The following CNST variants were observed in gnomAD, a reference collection of about 807,000 sequenced individuals.
CNST encodes the protein consortin, connexin sorting protein, also known as consortin.
Under a neutral mutation model 72.4 loss-of-function variants are expected in CNST, and 39 were observed. That is an observed-to-expected ratio of 0.54 (90% CI 0.42 to 0.70). The LOEUF is 0.70. Among genes scored for constraint, CNST ranks in the 30% least tolerant of loss-of-function variants. The pLI, the probability that CNST is intolerant of heterozygous loss-of-function variation, is 0.00. For synonymous variants in CNST, 332 were observed against 320.1 expected (o/e 1.04, Z -0.40); for missense variants, 871 against 868.5 (o/e 1.00, Z -0.04).
chr1:246,586,139 GTGTA>G (rs1661180298), intron 1 of CNST, among the ~76,000 whole-genome samples: 1 of 145,316 alleles, frequency 6.9e-6, no homozygotes, highest in African/African-American at 2.5e-5. Context: ...GTGTGTGTGT[GTGTA>G]TATATTACTG....
At position 246,650,676 on chromosome 1, in the gene CNST, C is replaced by CTTTTTT. The variant is rs10693662; in HGVS notation, c.1836+2653_1836+2658dup. 1.7e-4 allele frequency among the ~76,000 whole-genome samples: 22 copies of CTTTTTT among 127,644 alleles called. 1 individual carries two copies. The highest frequency in any genetic ancestry group is 7.3e-4 in the South Asian group (3 of 4,084). The allele number at this position is 127,644 out of a possible 152,430, so 83.7% of individuals were successfully genotyped here. On this transcript the variant is annotated intron_variant, in intron 9 of 10. Transcript: ENST00000366513. The stretch of plus-strand genomic sequence containing the variant: ...TGAACATATAAAATTTTAATTCAAA[C>CTTTTTT]TTTTTTTTTTTTTTTTTTTGATACA...
At chr1:246,602,886 CTTTT>C (rs1662400078) in intron 2 of CNST, among the ~76,000 whole-genome samples, 1 of 101,790 alleles carries the variant, frequency 9.8e-6, no homozygotes, top group Non-Finnish European at 2.1e-5. Context: ...AGATAGTTTT[CTTTT>C]TGTCTAGTTT....
rs35650980 is a variant in CNST at position 246,634,408 on chromosome 1, G to T, written c.704-65G>T. 281,744 of 918,760 alleles carry T rather than the reference G, an allele frequency of 0.31. 49,251 individuals are homozygous for T. The highest frequency in any genetic ancestry group is 0.67 in the East Asian group (26,572 of 39,684). 56.9% of individuals were successfully genotyped at this position (918,760 alleles called of 1,614,324 possible). On this transcript the variant is annotated intron_variant, in intron 5 of 10. Coordinates refer to ENST00000366513, the MANE Select transcript of CNST (RefSeq NM_152609.3). The stretch of plus-strand genomic sequence containing the variant: ...TATGAGTGGTGCTAGTTAACTGTTT[G>T]TTTGTTTTTTTGCTCCTAAATATGT...
rs1667419770 is a variant in CNST, at chr1:246,667,039, A to G, written c.*1134A>G. 6.6e-6 allele frequency: 1 copy of G among 152,046 alleles called. No individual in the cohort carries two copies. Among genetic ancestry groups the G allele is most frequent in the South Asian group, 2.1e-4 (1 of 4,828 alleles). The allele number at this position is 152,046 out of a possible 1,614,324, so 9.4% of individuals were successfully genotyped here. A position where few individuals can be genotyped will look rare whatever the true frequency, so the allele number is the denominator to read the frequency against. ...AGACAAATGTCTGATTTTTGTTTAA[A>G]TCTGTCCGTTAGGTGGCCTTTCCTT... On this transcript the variant is annotated 3_prime_UTR_variant, in exon 11 of 11. Coordinates refer to ENST00000366513, the MANE Select transcript of CNST (RefSeq NM_152609.3).
intron 1 of CNST, among the ~76,000 whole-genome samples, chr1:246,573,703 T>C (rs893076199): frequency 2.6e-5 from 4 of 152,210 alleles, no homozygotes; most frequent in African/African-American, 9.7e-5. Context: ...AAATTTCTGC[T>C]CCAGGAACAC....
intron 1 of CNST, among the ~76,000 whole-genome samples, chr1:246,583,096 A>G (rs1572124838): frequency 6.6e-6 from 1 of 152,292 alleles, no homozygotes; most frequent in Non-Finnish European, 1.5e-5. Context: ...TGGCTGATTT[A>G]ATACCTCATG....
chr1:246,645,570 G>A (rs1156514212), intron 8 of CNST, among the ~76,000 whole-genome samples: 2 of 151,732 alleles, frequency 1.3e-5, no homozygotes, highest in African/African-American at 4.8e-5. Context: ...TGGGACTACA[G>A]GCGCCCGCCA....
intron 10 of CNST, among the ~76,000 whole-genome samples, chr1:246,664,496 A>C (rs570919141): frequency 1.3e-5 from 2 of 150,586 alleles, no homozygotes; most frequent in Admixed American, 6.7e-5. Context: ...GTGTGATCTC[A>C]GCTCACTGCA....
At chr1:246,581,052 A>G (rs2103011529) in intron 1 of CNST, among the ~76,000 whole-genome samples, 1 of 151,334 alleles carries the variant, frequency 6.6e-6, no homozygotes, top group Non-Finnish European at 1.5e-5. Context: ...AGGTTTCTTT[A>G]TAGCATGTAA....
chr1:246,628,474 ACAT>A (rs1206430867), intron 3 of CNST, among the ~76,000 whole-genome samples: 4 of 152,248 alleles, frequency 2.6e-5, no homozygotes, highest in Non-Finnish European at 5.9e-5. Context: ...AAATACGACA[ACAT>A]ATACTTGTAT....
chr1:246,637,236 C>T (rs1165131926), intron 6 of CNST, among the ~76,000 whole-genome samples: 2 of 152,182 alleles, frequency 1.3e-5, no homozygotes, highest in African/African-American at 4.8e-5. Context: ...TCCTTGGACT[C>T]TCATGCTGTT....
chr1:246,571,988 C>G (rs1660096434), intron 1 of CNST, among the ~76,000 whole-genome samples: 1 of 152,052 alleles, frequency 6.6e-6, no homozygotes, highest in Non-Finnish European at 1.5e-5. Context: ...TTTTTTCTAC[C>G]TTAGCTGCAT....
intron 9 of CNST, among the ~76,000 whole-genome samples, chr1:246,650,441 C>T (rs1240615420): frequency 6.6e-6 from 1 of 152,138 alleles, no homozygotes; most frequent in Admixed American, 6.5e-5. Flanking sequence ...ACTTACTACC[C>T]TCGCTATTCT....
chr1:246,658,251 A>G (rs1666874131), intron 9 of CNST, among the ~76,000 whole-genome samples: 1 of 151,838 alleles, frequency 6.6e-6, no homozygotes, highest in Non-Finnish European at 1.5e-5. Context: ...TTTGCTCTTT[A>G]CAAACTGGTT....
chr1:246,582,597 C>T (rs971789559), intron 1 of CNST, among the ~76,000 whole-genome samples: 17 of 152,176 alleles, frequency 1.1e-4, no homozygotes, highest in African/African-American at 4.1e-4. Flanking sequence ...TGGTCTTTCA[C>T]AACAGATAGT....
At chr1:246,652,653 T>G (rs1666514001) in intron 9 of CNST, among the ~76,000 whole-genome samples, 2 of 152,136 alleles carry the variant, frequency 1.3e-5, no homozygotes, top group Admixed American at 1.3e-4. Context: ...TTAGAAATAA[T>G]TTCATTATTT....
Position 246,626,544 on chromosome 1 carries a change from G to A in CNST, c.585+4910G>A, listed in dbSNP as rs137932989. ...ACAATCTTGGCTCACTACAACCTCC[G>A]CTTCCCGAGTTCAGGTGATCTCCTG... On this transcript the variant is annotated intron_variant, in intron 3 of 10. Coordinates refer to ENST00000366513, the MANE Select transcript of CNST (RefSeq NM_152609.3). 2.9e-3 allele frequency among the ~76,000 whole-genome samples: 383 copies of A among 131,300 alleles called. 2 individuals are homozygous for A. Among genetic ancestry groups the A allele is most frequent in the African/African-American group, 1.0e-2 (348 of 34,882 alleles). The allele number at this position is 131,300 out of a possible 152,430, so 86.1% of individuals were successfully genotyped here. A position where few individuals can be genotyped will look rare whatever the true frequency, so the allele number is the denominator to read the frequency against.
At chr1:246,574,242 C>T (rs936492940) in intron 1 of CNST, among the ~76,000 whole-genome samples, 2 of 152,114 alleles carry the variant, frequency 1.3e-5, no homozygotes, top group African/African-American at 4.8e-5. Flanking sequence ...GGGATTTCAC[C>T]GTGTTAGCCA....
intron 3 of CNST, among the ~76,000 whole-genome samples, chr1:246,626,151 G>A (rs1448760255): frequency 1.3e-5 from 2 of 151,792 alleles, no homozygotes; most frequent in Non-Finnish European, 2.9e-5. Context: ...ACGGGTTCAA[G>A]TAGTCTTCCT....
Sources: gnomAD v4.1 joint callset for allele counts (sites outside exome capture counted in the v4.1 genomes callset) on GRCh38, gnomAD v4.1.1 for gene constraint, MANE v1.5 for transcripts, NCBI Gene and HGNC (gene_info 2026-07-23, HGNC 2026-07-21) for gene names.